Variants in KAZN observed in about 807,000 individuals in gnomAD.
The protein encoded by KAZN is kazrin, periplakin interacting protein.
KAZN carries 40 observed loss-of-function variants against 87.4 expected under a neutral mutation model. The observed-to-expected ratio is 0.46, with a 90% CI of 0.36 to 0.60. The LOEUF (loss-of-function observed/expected upper bound fraction) is 0.60. Among genes scored for constraint, KAZN ranks in the 20% least tolerant of loss-of-function variants. The pLI is 0.00. For synonymous variants in KAZN, 466 were observed against 458.3 expected, an observed-to-expected ratio of 1.02 and a Z score of -0.22; for missense variants, 898 against 1,073.9, an observed-to-expected ratio of 0.84 and a Z score of 2.29.
At chr1:14,851,650 C>T (rs1397292108) in intron 1 of KAZN, among the ~76,000 whole-genome samples, 1 of 152,250 alleles carries the variant, frequency 6.6e-6, no homozygotes, top group African/African-American at 2.4e-5. Flanking sequence ...GCTCTTCCCA[C>T]TTCCACCTGG....
At chr1:14,736,299 G>GTGTGTGTGTGTGTGTGTGTA (rs1214411509) in intron 1 of KAZN, among the ~76,000 whole-genome samples, 2 of 121,096 alleles carry the variant, frequency 1.7e-5, no homozygotes, top group African/African-American at 6.7e-5. Flanking sequence ...GTGTGTGTGT[G>GTGTGTGTGTGTGTGTGTGTA]TATATTTTTT....
At chr1:14,127,646 A>G (rs72864014) in intron 1 of KAZN, among the ~76,000 whole-genome samples, 4,276 of 152,270 alleles carry the variant, frequency 0.028, 188 homozygotes, top group African/African-American at 0.097. Flanking sequence ...AAATAAATCT[A>G]AAATGCTTTC....
At chr1:14,849,936 C>T (rs903748160) in intron 1 of KAZN, among the ~76,000 whole-genome samples, 3 of 149,970 alleles carry the variant, frequency 2.0e-5, no homozygotes, top group Non-Finnish European at 4.5e-5. Flanking sequence ...TTTCTACCCC[C>T]CCTTTTTTTT....
chr1:14,213,671 A>G (rs965196438), intron 2 of KAZN, among the ~76,000 whole-genome samples: 3 of 152,360 alleles, frequency 2.0e-5, no homozygotes, highest in Admixed American at 1.3e-4. Flanking sequence ...TCAAGAAACC[A>G]GTAGAGGGTT....
intron 2 of KAZN, among the ~76,000 whole-genome samples, chr1:14,590,729 C>G (rs1254324062): frequency 6.6e-6 from 1 of 152,178 alleles, no homozygotes; most frequent in African/African-American, 2.4e-5. Flanking sequence ...CCGATAACAT[C>G]TATTAATTTC....
intron 1 of KAZN, among the ~76,000 whole-genome samples, chr1:14,652,901 G>A (rs1268571862): frequency 6.6e-6 from 1 of 151,918 alleles, no homozygotes; most frequent in Non-Finnish European, 1.5e-5. Flanking sequence ...GAGAGAGGGG[G>A]GTGCCACTGG....
intron 3 of KAZN, 128 bp downstream of exon 3, chr1:15,035,013 C>G: frequency 8.8e-7 from 1 of 1,141,338 alleles, no homozygotes; most frequent in Non-Finnish European, 1.2e-6. Flanking sequence ...CTTGATGTGT[C>G]CAGCCAGGCC....
chr1:14,818,369 A>G (rs538983318), intron 1 of KAZN, among the ~76,000 whole-genome samples: 12 of 152,376 alleles, frequency 7.9e-5, no homozygotes, highest in South Asian at 2.1e-4. Context: ...AGACCTGTTG[A>G]CAAGTGTTCA....
chr1:14,001,542 C>T (rs545347509), intron 1 of KAZN, among the ~76,000 whole-genome samples: 1 of 152,240 alleles, frequency 6.6e-6, no homozygotes, highest in Non-Finnish European at 1.5e-5. Context: ...CCCCATATAG[C>T]CAAGACAATC....
intron 2 of KAZN, among the ~76,000 whole-genome samples, chr1:14,405,289 A>G (rs1158788251): frequency 1.3e-5 from 2 of 152,180 alleles, no homozygotes; most frequent in Non-Finnish European, 1.5e-5. Context: ...TTCAAATGTG[A>G]TATTAGAATT....
intron 2 of KAZN, among the ~76,000 whole-genome samples, chr1:14,467,674 C>CAAAAA (rs36034022): frequency 9.1e-5 from 7 of 77,342 alleles, no homozygotes; most frequent in African/African-American, 3.0e-4. Context: ...ATCCAAAAGG[C>CAAAAA]AAAAAAAAAA....
intron 1 of KAZN, among the ~76,000 whole-genome samples, chr1:14,755,853 G>A (rs1335823664): frequency 6.6e-6 from 1 of 152,186 alleles, no homozygotes; most frequent in African/African-American, 2.4e-5. Context: ...GAGAAACCTG[G>A]AGAATTAGCA....
intron 1 of KAZN, among the ~76,000 whole-genome samples, chr1:14,774,248 T>C (rs1417297086): frequency 6.6e-6 from 1 of 152,144 alleles, no homozygotes; most frequent in Non-Finnish European, 1.5e-5. Context: ...TTTGTGGACT[T>C]GGCAGGGTCG....
intron 1 of KAZN, among the ~76,000 whole-genome samples, chr1:14,669,055 GTTA>G (rs1308123527): frequency 6.6e-6 from 1 of 152,202 alleles, no homozygotes; most frequent in Non-Finnish European, 1.5e-5. Context: ...TTAACCCATT[GTTA>G]TCAAGGTGTT....
intron 1 of KAZN, among the ~76,000 whole-genome samples, chr1:14,702,366 G>GT (rs1641976173): frequency 2.6e-4 from 39 of 150,144 alleles, no homozygotes; most frequent in South Asian, 1.5e-3. Context: ...GTGTGTGTGT[G>GT]GATTTCTCTG....
chr1:14,214,618 G>A (rs544015825), intron 2 of KAZN, among the ~76,000 whole-genome samples: 1 of 152,212 alleles, frequency 6.6e-6, no homozygotes, highest in South Asian at 2.1e-4. Flanking sequence ...CACAATAAAG[G>A]GGAGAAAGAG....
chr1:14,016,142 G>A (rs781311336), intron 1 of KAZN, among the ~76,000 whole-genome samples: 6 of 152,106 alleles, frequency 3.9e-5, no homozygotes, highest in Non-Finnish European at 8.8e-5. Context: ...ATCTCAGGGT[G>A]GGGTGCTCAT....
At chr1:14,727,460 T>C (rs28397129) in intron 1 of KAZN, among the ~76,000 whole-genome samples, 8,599 of 35,126 alleles carry the variant, frequency 0.24, 575 homozygotes, top group South Asian at 0.36. Flanking sequence ...CTTTTTTTTT[T>C]TTTTTTTTTT....
chr1:14,243,360 C>G (rs1399827297), intron 2 of KAZN, among the ~76,000 whole-genome samples: 2 of 152,104 alleles, frequency 1.3e-5, no homozygotes, highest in Non-Finnish European at 2.9e-5. Flanking sequence ...TTTCCTTTAT[C>G]TTTTCTCCAC....
Sources: gnomAD v4.1 joint callset for allele counts (sites outside exome capture counted in the v4.1 genomes callset) on GRCh38, gnomAD v4.1.1 for gene constraint, MANE v1.5 for transcripts, NCBI Gene and HGNC (gene_info 2026-07-23, HGNC 2026-07-21) for gene names.